PAQR8: variants seen among roughly 807,000 people sequenced by gnomAD.
PAQR8 encodes the protein progestin and adipoQ receptor family member 8.
In PAQR8, 17 loss-of-function variants were observed where a neutral mutation model predicts 25.2. The ratio of observed to expected loss-of-function variants is 0.67; its 90% CI spans 0.46 to 1.01. PAQR8 has a LOEUF of 1.01. Ranked by LOEUF, PAQR8 falls within the 50% of genes least tolerant of loss-of-function variation. PAQR8 has a pLI of 0.00. For missense variants in PAQR8, 392 were observed against 448.4 expected (o/e 0.87, Z 1.14); for synonymous variants, 204 against 190.6 (o/e 1.07, Z -0.58).
At chr6:52,396,894 A>C (rs190829299) in intron 1 of PAQR8, among the ~76,000 whole-genome samples, 285 of 152,312 alleles carry the variant, frequency 1.9e-3, no homozygotes, top group Middle Eastern at 3.4e-3. Context: ...TTTAATTCAA[A>C]CCTCAGAAAA....
intron 1 of PAQR8, among the ~76,000 whole-genome samples, chr6:52,373,823 G>C (rs571170631): frequency 6.6e-6 from 1 of 150,810 alleles, no homozygotes; most frequent in African/African-American, 2.4e-5. Context: ...AAATCGTATT[G>C]ACTAATTGAT....
chr6:52,387,399 C>T (rs141737664), intron 1 of PAQR8, among the ~76,000 whole-genome samples: 1 of 152,310 alleles, frequency 6.6e-6, no homozygotes, highest in East Asian at 1.9e-4. Flanking sequence ...TGGGGTCTGC[C>T]CATACCTTAT....
chr6:52,379,819 G>A (rs926668059), intron 1 of PAQR8, among the ~76,000 whole-genome samples: 1 of 152,058 alleles, frequency 6.6e-6, no homozygotes, highest in African/African-American at 2.4e-5. Flanking sequence ...AGTACAGATG[G>A]GGTTTCACCG....
chr6:52,370,085 T>C lies in PAQR8; in HGVS notation c.-53+7836T>C, dbSNP rs60162787. ...CTTGGATTGCATGGGTTTTTTTTTT[T>C]CCCCTCTTTAAAATATACTGAATAA... On this transcript the variant is annotated intron_variant, in intron 1 of 1. Coordinates refer to ENST00000442253, the MANE Select transcript of PAQR8 (RefSeq NM_133367.5). 7.2e-3 allele frequency among the ~76,000 whole-genome samples: 1,084 copies of C among 150,744 alleles called. 7 individuals carry two copies. The highest frequency in any genetic ancestry group is 0.024 in the African/African-American group (978 of 40,996).
intron 1 of PAQR8, among the ~76,000 whole-genome samples, chr6:52,388,378 GAAA>G (rs35641291): frequency 1.5e-5 from 2 of 133,880 alleles, no homozygotes; most frequent in Admixed American, 1.5e-4. Flanking sequence ...CCTGTGTCAG[GAAA>G]AAAAAAAAAA....
rs183794563 is a variant in PAQR8, at chr6:52,366,895, G to A, written c.-53+4646G>A. 4.5e-3 allele frequency among the ~76,000 whole-genome samples: 686 copies of A among 152,080 alleles called. 8 individuals carry two copies. The highest frequency in any genetic ancestry group is 0.016 in the African/African-American group (668 of 41,486). ...CTCCTGAGTAGCTGGGATTGCAGGC[G>A]CGCACCACCACACCCAGCTAATTTT... On this transcript the variant is annotated intron_variant, in intron 1 of 1. Transcript: ENST00000442253.
At position 52,403,244 on chromosome 6, in the gene PAQR8, A is replaced by AC; in HGVS notation, c.34dup (p.Leu12ProfsTer89). On this transcript the variant is annotated frameshift_variant, in exon 2 of 2. Coordinates refer to ENST00000442253, the MANE Select transcript of PAQR8 (RefSeq NM_133367.5). LOFTEE classifies it high-confidence loss of function. The stretch of plus-strand genomic sequence containing the variant: ...GACCGCCATCTTGGAGCGCCTGAGC[A>AC]CCCTGTCGGTCAGCGGGCAGCAGCT... 1 of 1,606,466 alleles carries AC rather than the reference A, an allele frequency of 6.2e-7. No individual in the cohort carries two copies. Among genetic ancestry groups the AC allele is most frequent in the Non-Finnish European group, 8.5e-7 (1 of 1,174,448 alleles).
chr6:52,385,685 C>A (rs956110025), intron 1 of PAQR8, among the ~76,000 whole-genome samples: 1 of 152,114 alleles, frequency 6.6e-6, no homozygotes, highest in African/African-American at 2.4e-5. Context: ...GAGTTTGAGA[C>A]CAGCCTGGGC....
chr6:52,389,240 G>A (rs910037910), intron 1 of PAQR8, among the ~76,000 whole-genome samples: 3 of 152,136 alleles, frequency 2.0e-5, no homozygotes, highest in African/African-American at 7.2e-5. Context: ...CCACATTTTC[G>A]TTTTCTTAGA....
chr6:52,364,463 T>C (rs952757120), intron 1 of PAQR8, among the ~76,000 whole-genome samples: 4 of 152,216 alleles, frequency 2.6e-5, no homozygotes, highest in South Asian at 2.1e-4. Flanking sequence ...ATCCAAATGT[T>C]AAAATAAATA....
chr6:52,371,037 A>G (rs1026891765), intron 1 of PAQR8, among the ~76,000 whole-genome samples: 4 of 152,204 alleles, frequency 2.6e-5, no homozygotes, highest in African/African-American at 9.7e-5. Flanking sequence ...GAGATGAACA[A>G]GGTCCCTGCC....
At chr6:52,384,675 C>A (rs1378452293) in intron 1 of PAQR8, among the ~76,000 whole-genome samples, 1 of 152,136 alleles carries the variant, frequency 6.6e-6, no homozygotes, top group Non-Finnish European at 1.5e-5. Context: ...TTCTGAAATT[C>A]ATATGGAAAC....
At chr6:52,399,114 T>G (rs1763801819) in intron 1 of PAQR8, among the ~76,000 whole-genome samples, 1 of 152,208 alleles carries the variant, frequency 6.6e-6, no homozygotes, top group Admixed American at 6.5e-5. Context: ...TGTGCACCTT[T>G]TCTTTTGAAG....
At chr6:52,368,595 T>G (rs1355786484) in intron 1 of PAQR8, among the ~76,000 whole-genome samples, 1 of 152,238 alleles carries the variant, frequency 6.6e-6, no homozygotes, top group African/African-American at 2.4e-5. Context: ...GGTCAAAGTT[T>G]GAAAAACATT....
At chr6:52,383,528 G>C (rs934931174) in intron 1 of PAQR8, among the ~76,000 whole-genome samples, 2 of 151,712 alleles carry the variant, frequency 1.3e-5, no homozygotes, top group African/African-American at 2.4e-5. Context: ...GGGCGTGGTG[G>C]CGGGCGCCTG....
intron 1 of PAQR8, among the ~76,000 whole-genome samples, chr6:52,375,287 G>A (rs1457844785): frequency 6.6e-6 from 1 of 152,078 alleles, no homozygotes; most frequent in Non-Finnish European, 1.5e-5. Context: ...ATTTCAGGAA[G>A]CCATTACCAA....
intron 1 of PAQR8, among the ~76,000 whole-genome samples, chr6:52,385,814 A>G (rs1300271972): frequency 6.6e-6 from 1 of 152,184 alleles, no homozygotes; most frequent in Non-Finnish European, 1.5e-5. Context: ...GAGCCTGGAA[A>G]GGTTGAGGCT....
chr6:52,385,985 G>A (rs1245307020), intron 1 of PAQR8, among the ~76,000 whole-genome samples: 1 of 152,050 alleles, frequency 6.6e-6, no homozygotes, highest in East Asian at 1.9e-4. Context: ...GCATCTATAA[G>A]GAACTTTAAA....
chr6:52,382,970 G>A lies in PAQR8; in HGVS notation c.-52-20192G>A, dbSNP rs1354948620. On this transcript the variant is annotated intron_variant, in intron 1 of 1. Coordinates refer to ENST00000442253, the MANE Select transcript of PAQR8 (RefSeq NM_133367.5). ...CTAATTTTCTAAAAGTTATTTTGTA[G>A]AAACAGGATCTCCCTATGTTGCCCA... 2.0e-5 allele frequency among the ~76,000 whole-genome samples: 3 copies of A among 152,170 alleles called. No homozygotes were observed. The East Asian group carries it at 5.8e-4, about 29-fold the overall frequency.
Sources: allele counts gnomAD v4.1 joint callset (sites outside exome capture counted in the v4.1 genomes callset), GRCh38; gene constraint gnomAD v4.1.1; transcripts MANE v1.5; gene names NCBI Gene and HGNC (gene_info 2026-07-23, HGNC 2026-07-21).